The following CHD5 variants were observed in gnomAD, a reference collection of about 807,000 sequenced individuals.
CHD5 encodes ATP-dependent chromatin remodeler CHD5.
CHD5 carries 69 observed loss-of-function variants against 230.3 expected under a neutral mutation model. That is an observed-to-expected ratio of 0.30 (90% confidence interval 0.25 to 0.37). The LOEUF is 0.37. CHD5 is among the 10% of genes least tolerant of loss of function. The pLI, the probability that CHD5 is intolerant of heterozygous loss-of-function variation, is 1.00. For synonymous variants in CHD5, 1,064 were observed against 1,065.9 expected (o/e 1.00, Z 0.03); for missense variants, 1,827 against 2,622.8 (o/e 0.70, Z 6.63).
rs750388086 is a variant in CHD5, at chr1:6,168,214, G to C, written c.143C>G (p.Pro48Arg). 1 of 1,612,174 alleles carries C rather than the reference G, an allele frequency of 6.2e-7. No homozygotes were observed. The highest frequency in any genetic ancestry group is 8.5e-7 in the Non-Finnish European group (1 of 1,178,514). Residue 48 changes from proline (P) to arginine (R), a missense_variant, in exon 2 of 42, where the codon CCT becomes CGT. This residue lies in a region of CHD5 where 113 missense variants were observed against 91.9 expected (regional missense o/e 1.23). Coordinates refer to ENST00000262450, the MANE Select transcript of CHD5 (RefSeq NM_015557.3). ...DFFPVEPVSL[P>R]KKKKPKKLKE... Reference sequence around the variant, plus strand: ...GAGCTTCTTGGGTTTCTTCTTCTTAGGAAGGCTCACGGGCTCCACAGGGAA... The same window carrying C: ...GAGCTTCTTGGGTTTCTTCTTCTTACGAAGGCTCACGGGCTCCACAGGGAA...
Position 6,128,689 on chromosome 1 carries a change from C to A in CHD5, c.3620-80G>T, listed in dbSNP as rs1475313114. The A allele has an allele frequency of 1.5e-6, 2 of 1,314,864 alleles. No individual in the cohort carries two copies. The highest frequency in any genetic ancestry group is 3.6e-5 in the Admixed American group (2 of 55,852). The allele number at this position is 1,314,864 out of a possible 1,614,324, so 81.4% of individuals were successfully genotyped here. A position where few individuals can be genotyped will look rare whatever the true frequency, so the allele number is the denominator to read the frequency against. ...GGCGGGCAGTGCCCAGAGACACCACCCTGGGCTGTCCTAGCCAGGAGATAC... is the reference window on the plus strand; with the variant it reads ...GGCGGGCAGTGCCCAGAGACACCACACTGGGCTGTCCTAGCCAGGAGATAC... On this transcript the variant is annotated intron_variant, in intron 23 of 41. Transcript: ENST00000262450. The surrounding 1 kb of genome is among the most constrained non-coding windows in gnomAD (Gnocchi z 7.8).
chr1:6,119,730 C>A (rs1666436200), intron 33 of CHD5, among the ~76,000 whole-genome samples: 1 of 151,206 alleles, frequency 6.6e-6, no homozygotes, highest in South Asian at 2.1e-4. Context: ...TATATACGTA[C>A]ATATATAGGT....
chr1:6,126,761 C>T lies in CHD5; in HGVS notation c.3904-15G>A, dbSNP rs777225477. ...TCCACCTCCTCCTGGGGACGCAGCA[C>T]CACGGGTTCCATGGGTGGAGCCATC... On this transcript the variant is annotated splice_polypyrimidine_tract_variant and intron_variant, in intron 25 of 41. Coordinates refer to ENST00000262450, the MANE Select transcript of CHD5 (RefSeq NM_015557.3). This position sits in a 1 kb window ranked among gnomAD's most constrained non-coding sequence, Gnocchi z 5.7. 1 of 1,609,562 alleles carries T rather than the reference C, an allele frequency of 6.2e-7. No individual in the cohort carries two copies. The highest frequency in any genetic ancestry group is 1.7e-5 in the Admixed American group (1 of 59,850).
Position 6,180,232 on chromosome 1 carries a change from A to C in CHD5, c.-209T>G. On this transcript the variant is annotated 5_prime_UTR_variant, in exon 1 of 42. Transcript: ENST00000262450. Reference sequence around the variant, plus strand: ...CGGCCGCCTTAGCCTGCTCCCCGCAAAGCCCGGGCGCTCCTCCCACCGCGC... The same window carrying C: ...CGGCCGCCTTAGCCTGCTCCCCGCACAGCCCGGGCGCTCCTCCCACCGCGC... 4 of 138,654 alleles carry C rather than the reference A, an allele frequency of 2.9e-5. No individual in the cohort carries two copies. Among genetic ancestry groups the C allele is most frequent in the Non-Finnish European group, 4.4e-5 (3 of 68,644 alleles). The allele number at this position is 138,654 out of a possible 1,614,324, so 8.6% of individuals were successfully genotyped here.
At chr1:6,113,577 C>G (rs1666328691) in intron 33 of CHD5, among the ~76,000 whole-genome samples, 1 of 152,200 alleles carries the variant, frequency 6.6e-6, no homozygotes, top group South Asian at 2.1e-4. Flanking sequence ...GCCTGGAGAG[C>G]TTGGAACTTG....
chr1:6,168,362 T>C (rs768970613), intron 1 of CHD5, 85 bp from the exon 2 acceptor site: 180 of 1,471,152 alleles, frequency 1.2e-4, no homozygotes, highest in Non-Finnish European at 1.6e-4. Flanking sequence ...CTGGGGAAGC[T>C]GGGACCCCCA....
At chr1:6,115,608 C>A (rs1666367476) in intron 33 of CHD5, among the ~76,000 whole-genome samples, 1 of 152,212 alleles carries the variant, frequency 6.6e-6, no homozygotes, top group African/African-American at 2.4e-5. Context: ...CTTCCAGGTG[C>A]TGAAAACGGA....
intron 36 of CHD5, among the ~76,000 whole-genome samples, chr1:6,110,949 G>A (rs1666277977): frequency 6.6e-6 from 1 of 152,208 alleles, no homozygotes; most frequent in Non-Finnish European, 1.5e-5. Context: ...AAAATTTGGG[G>A]CCAGGCATGG....
Position 6,146,166 on chromosome 1 carries a change from G to A in CHD5, c.1802+46C>T. 1 of 1,585,156 alleles carries A rather than the reference G, an allele frequency of 6.3e-7. No homozygotes were observed. Among genetic ancestry groups the A allele is most frequent in the South Asian group, 1.1e-5 (1 of 89,660 alleles). On this transcript the variant is annotated intron_variant, in intron 11 of 41. Transcript: ENST00000262450. The surrounding 1 kb of genome is among the most constrained non-coding windows in gnomAD (Gnocchi z 5.1). ...TTTTACAGGGCAAAGAAGCTGACGT[G>A]GCCCGGCCCCAGCGATGGGCAGGGT... is the stretch of plus-strand genomic sequence containing the variant.
Position 6,110,418 on chromosome 1 carries a change from GTTC to G in CHD5, c.5355_5357del (p.Lys1785del). The G allele has an allele frequency of 6.2e-7, 1 of 1,614,024 alleles. No individual in the cohort carries two copies. The highest frequency in any genetic ancestry group is 8.5e-7 in the Non-Finnish European group (1 of 1,180,034). On this transcript the variant is annotated inframe_deletion, in exon 37 of 42. Coordinates refer to ENST00000262450, the MANE Select transcript of CHD5 (RefSeq NM_015557.3). The stretch of plus-strand genomic sequence containing the variant: ...CCTTAAACCTGCGGGCCAGGAACTT[GTTC>G]TTCATCTCCAGGTAGTTGCCCTTGT...
chr1:6,128,887 G>A lies in CHD5; in HGVS notation c.3570C>T (p.Asp1190=), dbSNP rs767408616. Residue 1190 remains aspartate (D), a synonymous_variant, in exon 23 of 42, where the codon GAC becomes GAT. Coordinates refer to ENST00000262450, the MANE Select transcript of CHD5 (RefSeq NM_015557.3). The surrounding 1 kb of genome is among the most constrained non-coding windows in gnomAD (Gnocchi z 7.8). Reference sequence around the variant, plus strand: ...CCTCCGTGCCGAACTTGAGGATGTCGTCCAGCTCCTGCTTGGTCATGGACC... The same window carrying A: ...CCTCCGTGCCGAACTTGAGGATGTCATCCAGCTCCTGCTTGGTCATGGACC... ...KSGSMTKQEL[D]DILKFGTEEL... 6.8e-6 allele frequency: 11 copies of A among 1,613,140 alleles called. No individual in the cohort carries two copies. The highest frequency in any genetic ancestry group is 1.6e-4 in the Middle Eastern group (1 of 6,084).
At chr1:6,158,056 C>T (rs952446649) in intron 3 of CHD5, among the ~76,000 whole-genome samples, 1 of 152,166 alleles carries the variant, frequency 6.6e-6, no homozygotes, top group Admixed American at 6.5e-5. Context: ...CAGCCCAAAC[C>T]GAGCCTTGGT....
Position 6,155,635 on chromosome 1 carries a change from G to C in CHD5, c.470C>G (p.Thr157Arg). The change falls in exon 4 of 42, where the codon ACG becomes AGG. Residue 157 changes from threonine (T) to arginine (R), a missense_variant. Coordinates refer to ENST00000262450, the MANE Select transcript of CHD5 (RefSeq NM_015557.3). This position sits in a 1 kb window ranked among gnomAD's most constrained non-coding sequence, Gnocchi z 4.0. The stretch of plus-strand genomic sequence containing the variant: ...GCTGAAGGCCTTGTAGTTGGTCAGC[G>C]TGTGGTAATCCTCCTCCGAGAACAG... The part of the protein sequence containing the change: ...DYLFSEEDYH[T>R]LTNYKAFSQF... The C allele has an allele frequency of 6.2e-7, 1 of 1,614,146 alleles. No homozygotes were observed. Among genetic ancestry groups the C allele is most frequent in the South Asian group, 1.1e-5 (1 of 91,078 alleles).
Position 6,146,500 on chromosome 1 carries a change from GC to G in CHD5, c.1591-78del. 1.4e-6 allele frequency: 2 copies of G among 1,479,930 alleles called. No individual in the cohort carries two copies. Among genetic ancestry groups the G allele is most frequent in the Non-Finnish European group, 1.9e-6 (2 of 1,069,204 alleles). The allele number at this position is 1,479,930 out of a possible 1,614,324, so 91.7% of individuals were successfully genotyped here. On this transcript the variant is annotated intron_variant, in intron 10 of 41. Coordinates refer to ENST00000262450, the MANE Select transcript of CHD5 (RefSeq NM_015557.3). The surrounding 1 kb of genome is among the most constrained non-coding windows in gnomAD (Gnocchi z 5.1). ...TGCATCTCCCTACCCAGCTCCTCTA[GC>G]CCCAGCCCAGGTCCCAGGCAGGACA...
rs545276006 is a variant in CHD5 at position 6,160,827 on chromosome 1, C to T, written c.208-1312G>A. Among the ~76,000 whole-genome samples, 34 of 152,318 alleles carry T rather than the reference C, an allele frequency of 2.2e-4. 1 individual carries two copies. In the South Asian group the frequency reaches 4.1e-3, roughly 19 times the overall value. ...TGGCCCATTTATATGGAGATAAGGG[C>T]GTTTACAACCAGAGCACCCCACCAG... On this transcript the variant is annotated intron_variant, in intron 2 of 41. Coordinates refer to ENST00000262450, the MANE Select transcript of CHD5 (RefSeq NM_015557.3).
In CHD5 at chr1:6,146,482, C is replaced by A. The variant is rs1445297061; in HGVS notation, c.1591-59G>T. 19 of 1,534,882 alleles carry A rather than the reference C, an allele frequency of 1.2e-5. No individual in the cohort carries two copies. The highest frequency in any genetic ancestry group is 1.7e-5 in the Non-Finnish European group (19 of 1,116,324). The stretch of plus-strand genomic sequence containing the variant: ...AGATGGGCCATGGTCCCCTGCATCT[C>A]CCTACCCAGCTCCTCTAGCCCCAGC... On this transcript the variant is annotated intron_variant, in intron 10 of 41. Coordinates refer to ENST00000262450, the MANE Select transcript of CHD5 (RefSeq NM_015557.3). This position sits in a 1 kb window ranked among gnomAD's most constrained non-coding sequence, Gnocchi z 5.1.
intron 1 of CHD5, among the ~76,000 whole-genome samples, chr1:6,169,679 G>A (rs1367886710): frequency 6.6e-6 from 1 of 152,202 alleles, no homozygotes; most frequent in Non-Finnish European, 1.5e-5. Flanking sequence ...AGACACTTCT[G>A]CCCGTGGGGG....
intron 36 of CHD5, 90 bp downstream of exon 36, chr1:6,111,685 A>G: frequency 1.0e-6 from 1 of 984,832 alleles, no homozygotes; most frequent in East Asian, 2.4e-5. Flanking sequence ...AAGAACGAGG[A>G]AGGCTTCCCC....
chr1:6,152,075 G>C (rs1667016499), intron 6 of CHD5, among the ~76,000 whole-genome samples: 1 of 152,032 alleles, frequency 6.6e-6, no homozygotes, highest in South Asian at 2.1e-4. Context: ...CACCAGGACA[G>C]ATCCCTCCAC....
Sources: allele counts gnomAD v4.1 joint callset (sites outside exome capture counted in the v4.1 genomes callset), GRCh38; gene constraint gnomAD v4.1.1; regional missense constraint gnomAD v4.1.1; non-coding constraint Gnocchi (gnomAD v3.1); transcripts MANE v1.5; gene names NCBI Gene and HGNC (gene_info 2026-07-23, HGNC 2026-07-21).